MINK1: variants seen among roughly 807,000 people sequenced by gnomAD.
MINK1 encodes misshapen-like kinase 1.
In MINK1, 46 loss-of-function variants were observed where a neutral mutation model predicts 178.4. The ratio of observed to expected loss-of-function variants is 0.26; its 90% CI spans 0.20 to 0.33. The LOEUF is 0.33. MINK1 is among the 10% of genes least tolerant of loss of function. The pLI is 1.00. For synonymous variants in MINK1, 797 were observed against 709.7 expected (o/e 1.12, Z -1.96); for missense variants, 1,366 against 1,814.9 (o/e 0.75, Z 4.49).
At position 4,892,529 on chromosome 17, in the gene MINK1, C is replaced by A; in HGVS notation, c.2198+17C>A. ...CGCCTCTAGGTAATAGAGTTGTCCCCCAACTCACTCTCACCTCTCACTTCT... is the reference window on the plus strand; with the variant it reads ...CGCCTCTAGGTAATAGAGTTGTCCCACAACTCACTCTCACCTCTCACTTCT... On this transcript the variant is annotated intron_variant, in intron 18 of 31. Coordinates refer to ENST00000355280, the MANE Select transcript of MINK1 (RefSeq NM_153827.5). 1 of 1,534,462 alleles carries A rather than the reference C, an allele frequency of 6.5e-7. No homozygotes were observed. The highest frequency in any genetic ancestry group is 8.9e-7 in the Non-Finnish European group (1 of 1,127,840).
rs1354255969 is a variant in MINK1, at chr17:4,895,562, GGGA to G, written c.3229+75_3229+77del. ...TTGGCGCTGTCACCATCTTCTGCCT[GGGA>G]GGAGGGCAGGCACTGGAAGGTGGGG... On this transcript the variant is annotated intron_variant, in intron 26 of 31. Coordinates refer to ENST00000355280, the MANE Select transcript of MINK1 (RefSeq NM_153827.5). This position sits in a 1 kb window ranked among gnomAD's most constrained non-coding sequence, Gnocchi z 4.3. 2.6e-6 allele frequency: 4 copies of G among 1,550,392 alleles called. No homozygotes were observed. The highest frequency in any genetic ancestry group is 2.7e-5 in the African/African-American group (2 of 73,834).
chr17:4,890,597 C>T lies in MINK1; in HGVS notation c.1428C>T (p.Leu476=). ...QRQLQQEHAY[L]KSLQQQQQQQ... is the part of the protein sequence containing the mutation. ...AGCTGCAGCAGGAGCATGCCTACCT[C>T]AAGTCCCTGCAGCAGCAGCAACAGC... The change falls in exon 14 of 32, where the codon CTC becomes CTT. Residue 476 remains leucine (L), a synonymous_variant. Coordinates refer to ENST00000355280, the MANE Select transcript of MINK1 (RefSeq NM_153827.5). 1 of 1,566,250 alleles carries T rather than the reference C, an allele frequency of 6.4e-7. No homozygotes were observed. Among genetic ancestry groups the T allele is most frequent in the African/African-American group, 1.4e-5 (1 of 73,634 alleles).
chr17:4,866,930 G>A (rs1915069853), intron 1 of MINK1, among the ~76,000 whole-genome samples: 2 of 151,470 alleles, frequency 1.3e-5, no homozygotes, highest in African/African-American at 2.4e-5. Flanking sequence ...AAAATTAGCC[G>A]GGCGTGGTGG....
chr17:4,859,150 C>G lies in MINK1; in HGVS notation c.58-19167C>G, dbSNP rs1031077207. The G allele has an allele frequency of 3.0e-6, 3 of 985,306 alleles. No individual in the cohort carries two copies. The African/African-American group carries it at 5.2e-5, about 17-fold the overall frequency. The allele number at this position is 985,306 out of a possible 1,614,324, so 61.0% of individuals were successfully genotyped here. On this transcript the variant is annotated intron_variant, in intron 1 of 31. Coordinates refer to ENST00000355280, the MANE Select transcript of MINK1 (RefSeq NM_153827.5). ...GGCTCGAAGCACAGGAGAGACCAGT[C>G]CTTCCTTGTCTCCACTGGGCTGTTT... is the stretch of plus-strand genomic sequence containing the variant.
intron 1 of MINK1, among the ~76,000 whole-genome samples, chr17:4,876,734 C>T (rs914751462): frequency 1.3e-5 from 2 of 152,142 alleles, no homozygotes; most frequent in African/African-American, 4.8e-5. Flanking sequence ...TTTCTGCCTC[C>T]GCTCGGTCCC....
chr17:4,852,021 A>C lies in MINK1; in HGVS notation c.57+18381A>C, dbSNP rs549028224. On this transcript the variant is annotated intron_variant, in intron 1 of 31. Coordinates refer to ENST00000355280, the MANE Select transcript of MINK1 (RefSeq NM_153827.5). The stretch of plus-strand genomic sequence containing the variant: ...TCTCAAAAAAAAAAAAAAAAAAAAA[A>C]AAAAAACTAAGAAAGTCCACTCTCT... Among the ~76,000 whole-genome samples the C allele has an allele frequency of 1.8e-4, 27 of 150,342 alleles. 1 individual carries two copies. The South Asian group carries it at 4.6e-3, about 26-fold the overall frequency.
At position 4,897,988 on chromosome 17, in the gene MINK1, C is replaced by T. The variant is rs536398300; in HGVS notation, c.*701C>T. 1.2e-3 allele frequency: 163 copies of T among 141,436 alleles called. 1 individual carries two copies. The highest frequency in any genetic ancestry group is 1.5e-3 in the East Asian group (7 of 4,812). The allele number at this position is 141,436 out of a possible 1,614,324, so 8.8% of individuals were successfully genotyped here. A position where few individuals can be genotyped will look rare whatever the true frequency, so the allele number is the denominator to read the frequency against. Reference sequence around the variant, plus strand: ...GCAGCAAGTAACCCTTCTCCCTCCCCCCCCACCCCTCCTCAATGTAGTGGC... The same window carrying T: ...GCAGCAAGTAACCCTTCTCCCTCCCTCCCCACCCCTCCTCAATGTAGTGGC... On this transcript the variant is annotated 3_prime_UTR_variant, in exon 32 of 32. Coordinates refer to ENST00000355280, the MANE Select transcript of MINK1 (RefSeq NM_153827.5).
At chr17:4,866,102 C>T (rs1914913957) in intron 1 of MINK1, among the ~76,000 whole-genome samples, 1 of 152,148 alleles carries the variant, frequency 6.6e-6, no homozygotes, top group Non-Finnish European at 1.5e-5. Flanking sequence ...TTCTGGTACA[C>T]AATAGGAAGG....
chr17:4,896,243 G>A lies in MINK1; in HGVS notation c.3516G>A (p.Glu1172=). 6.2e-7 allele frequency: 1 copy of A among 1,606,714 alleles called. No homozygotes were observed. The highest frequency in any genetic ancestry group is 1.1e-5 in the South Asian group (1 of 89,762). ...CTCTGCTGGTCGACCTGACAGTAGA[G>A]GAGGGGCAGCGGCTCAAGGTCATCT... ...HRPLLVDLTV[E]EGQRLKVIYG... The change falls in exon 29 of 32, where the codon GAG becomes GAA. Residue 1172 remains glutamate, a synonymous_variant. Coordinates refer to ENST00000355280, the MANE Select transcript of MINK1 (RefSeq NM_153827.5). The surrounding 1 kb of genome is among the most constrained non-coding windows in gnomAD (Gnocchi z 4.6).
intron 1 of MINK1, among the ~76,000 whole-genome samples, chr17:4,854,040 T>C (rs1567569083): frequency 6.6e-6 from 1 of 152,144 alleles, no homozygotes; most frequent in Non-Finnish European, 1.5e-5. Flanking sequence ...AGCAAACGGT[T>C]TATTTTTTAG....
intron 1 of MINK1, among the ~76,000 whole-genome samples, chr17:4,842,905 C>T (rs538937737): frequency 6.6e-6 from 1 of 152,158 alleles, no homozygotes; most frequent in African/African-American, 2.4e-5. Flanking sequence ...GTAGAAGACA[C>T]CTTGCCCTAG....
intron 1 of MINK1, among the ~76,000 whole-genome samples, chr17:4,837,386 C>T (rs963911085): frequency 2.0e-5 from 3 of 152,168 alleles, no homozygotes; most frequent in African/African-American, 7.2e-5. Context: ...TCAATAAACC[C>T]CAGGCTTCTT....
chr17:4,854,762 G>T (rs149458422), intron 1 of MINK1: 3 of 494,736 alleles, frequency 6.1e-6, no homozygotes, highest in Middle Eastern at 3.2e-4. Flanking sequence ...GGTAGCCATC[G>T]ATAGACAGAG....
intron 13 of MINK1, 92 bp from the exon 14 acceptor site, chr17:4,890,423 CCT>C (rs777708657): frequency 4.2e-5 from 63 of 1,491,256 alleles, no homozygotes; most frequent in Non-Finnish European, 5.5e-5. Context: ...GAATACATCT[CCT>C]CTCTAGGCAG....
At position 4,833,685 on chromosome 17, in the gene MINK1, C is replaced by T; in HGVS notation, c.57+45C>T. On this transcript the variant is annotated intron_variant, in intron 1 of 31. Coordinates refer to ENST00000355280, the MANE Select transcript of MINK1 (RefSeq NM_153827.5). This position sits in a 1 kb window ranked among gnomAD's most constrained non-coding sequence, Gnocchi z 4.8. ...GCCTCGCCCTGGTTCCTGTCCCCGC[C>T]GCAGGGGAGGGAGCGGGGTGGCTGC... The T allele has an allele frequency of 7.0e-7, 1 of 1,435,010 alleles. No homozygotes were observed. Among genetic ancestry groups the T allele is most frequent in the Non-Finnish European group, 9.2e-7 (1 of 1,088,594 alleles). The allele number at this position is 1,435,010 out of a possible 1,614,324, so 88.9% of individuals were successfully genotyped here. A position where few individuals can be genotyped will look rare whatever the true frequency, so the allele number is the denominator to read the frequency against.
Position 4,889,783 on chromosome 17 carries a change from T to A in MINK1, c.1347+20T>A, listed in dbSNP as rs758341175. The A allele has an allele frequency of 8.0e-6, 12 of 1,494,212 alleles. No individual in the cohort carries two copies. The South Asian group carries it at 1.5e-4, about 19-fold the overall frequency. 92.6% of individuals were successfully genotyped at this position (1,494,212 alleles called of 1,614,324 possible). A position where few individuals can be genotyped will look rare whatever the true frequency, so the allele number is the denominator to read the frequency against. On this transcript the variant is annotated intron_variant, in intron 13 of 31. Transcript: ENST00000355280. ...GAGCAGGTAGAGCGCCGCACCCGCATCCCTGCCCTCCCGCCCTCCCGCTCC... is the reference window on the plus strand; with the variant it reads ...GAGCAGGTAGAGCGCCGCACCCGCAACCCTGCCCTCCCGCCCTCCCGCTCC...
intron 1 of MINK1, among the ~76,000 whole-genome samples, chr17:4,841,433 A>G (rs1910201805): frequency 2.0e-5 from 3 of 152,120 alleles, no homozygotes; most frequent in African/African-American, 7.2e-5. Context: ...CGGTCCTGGC[A>G]GGGACAGACT....
intron 1 of MINK1, among the ~76,000 whole-genome samples, chr17:4,839,436 T>C (rs191960773): frequency 1.2e-3 from 179 of 152,344 alleles, no homozygotes; most frequent in Non-Finnish European, 1.5e-3. Flanking sequence ...CAGTCTTCTC[T>C]TTCCTGGATT....
chr17:4,860,039 T>C lies in MINK1; in HGVS notation c.58-18278T>C, dbSNP rs539915636. Among the ~76,000 whole-genome samples, 5 of 150,638 alleles carry C rather than the reference T, an allele frequency of 3.3e-5. 1 individual carries two copies. The East Asian group carries it at 7.9e-4, about 24-fold the overall frequency. On this transcript the variant is annotated intron_variant, in intron 1 of 31. Coordinates refer to ENST00000355280, the MANE Select transcript of MINK1 (RefSeq NM_153827.5). ...GCGCGTCCGGGAACTACTGGCCCCATGCGGAGCGGGGTACAGGGGGAAGGG... is the reference window on the plus strand; with the variant it reads ...GCGCGTCCGGGAACTACTGGCCCCACGCGGAGCGGGGTACAGGGGGAAGGG...
Sources: gnomAD v4.1 joint callset for allele counts (sites outside exome capture counted in the v4.1 genomes callset) on GRCh38, gnomAD v4.1.1 for gene constraint, Gnocchi (gnomAD v3.1) non-coding constraint, MANE v1.5 for transcripts, NCBI Gene and HGNC (gene_info 2026-07-23, HGNC 2026-07-21) for gene names.